Variants in ARID2 observed in about 807,000 individuals in gnomAD.
ARID2 encodes AT-rich interactive domain-containing protein 2.
A neutral mutation model predicts 184.6 loss-of-function variants in ARID2; 32 were observed. The observed-to-expected ratio is 0.17, with a 90% CI of 0.13 to 0.23. The LOEUF (loss-of-function observed/expected upper bound fraction) is 0.23, where lower values mean the gene tolerates loss of function less well. Ranked by LOEUF, ARID2 falls within the 10% of genes least tolerant of loss-of-function variation. The pLI, the probability that ARID2 is intolerant of heterozygous loss-of-function variation, is 1.00. For missense variants in ARID2, 1,696 were observed against 2,197.6 expected (o/e 0.77, Z 4.56); for synonymous variants, 836 against 772.6 (o/e 1.08, Z -1.36).
Position 45,836,762 on chromosome 12 carries a change from T to C in ARID2, c.794T>C (p.Ile265Thr), listed in dbSNP as rs746998960. The change falls in exon 8 of 21, where the codon ATT becomes ACT. Residue 265 changes from isoleucine (I) to threonine (T), a missense_variant. Around this residue, in one of 11 missense-constraint regions of ARID2, gnomAD observed 148 missense variants for 285.4 expected, o/e 0.52. Coordinates refer to ENST00000334344, the MANE Select transcript of ARID2 (RefSeq NM_152641.4). Reference sequence around the variant, plus strand: ...GTAGAAGGTACATCAGGAGAATGGATTTGGGAGTCTTTATTTCATCCACCT... The same window carrying C: ...GTAGAAGGTACATCAGGAGAATGGACTTGGGAGTCTTTATTTCATCCACCT... ...KSHEGTSGEW[I>T]WESLFHPPRK... 1.1e-5 allele frequency: 18 copies of C among 1,613,410 alleles called. No individual in the cohort carries two copies. The Admixed American group carries it at 2.3e-4, about 21-fold the overall frequency.
At position 45,839,762 on chromosome 12, in the gene ARID2, A is replaced by G. The variant is rs192583034; in HGVS notation, c.1498+266A>G. On this transcript the variant is annotated intron_variant, in intron 11 of 20. Coordinates refer to ENST00000334344, the MANE Select transcript of ARID2 (RefSeq NM_152641.4). ...TGTGATGAATTAGATATTCATAATT[A>G]CGATAGCTATAAGTGCCCCAATAGG... The G allele has an allele frequency of 3.3e-4, 104 of 318,026 alleles. No homozygotes were observed. The Admixed American group carries it at 3.5e-3, about 11-fold the overall frequency. The allele number at this position is 318,026 out of a possible 1,614,324, so 19.7% of individuals were successfully genotyped here.
At chr12:45,815,138 A>G (rs1565606504) in intron 4 of ARID2, among the ~76,000 whole-genome samples, 1 of 152,200 alleles carries the variant, frequency 6.6e-6, no homozygotes, top group Non-Finnish European at 1.5e-5. Context: ...GCGACAGATA[A>G]GGAATACGGG....
Position 45,849,770 on chromosome 12 carries a change from C to A in ARID2, c.1906C>A (p.Pro636Thr), listed in dbSNP as rs778514826. The change falls in exon 14 of 21, where the codon CCT (proline) becomes ACT (threonine). Residue 636 changes from proline (P) to threonine (T), a missense_variant. Pro to Thr is a conservative substitution (Grantham distance 38). This residue lies in a region of ARID2 where 713 missense variants were observed against 824.4 expected (regional missense o/e 0.86). Coordinates refer to ENST00000334344, the MANE Select transcript of ARID2 (RefSeq NM_152641.4). The stretch of plus-strand genomic sequence containing the variant: ...TCCTGATGTATCTCCTGCTCCTTCA[C>A]CTGCAGGTGTTAATTTTTATTGTAT... Reference protein sequence around the residue: ...SVPDVSPAPSPAGIPHGSQTI... With the variant: ...SVPDVSPAPSTAGIPHGSQTI... 6.2e-7 allele frequency: 1 copy of A among 1,606,770 alleles called. No individual in the cohort carries two copies. The highest frequency in any genetic ancestry group is 8.5e-7 in the Non-Finnish European group (1 of 1,177,032).
Position 45,852,628 on chromosome 12 carries a change from A to G in ARID2, c.4505A>G (p.Asp1502Gly), listed in dbSNP as rs767927060. 5.0e-6 allele frequency: 8 copies of G among 1,614,026 alleles called. No homozygotes were observed. The highest frequency in any genetic ancestry group is 1.3e-5 in the African/African-American group (1 of 74,924). Residue 1502 changes from aspartate to glycine, a missense_variant, in exon 15 of 21, where the codon GAC (aspartate) becomes GGC (glycine). This residue lies in a region of ARID2 where 428 missense variants were observed against 409.1 expected (regional missense o/e 1.05). Coordinates refer to ENST00000334344, the MANE Select transcript of ARID2 (RefSeq NM_152641.4). The stretch of plus-strand genomic sequence containing the variant: ...TCCCATTCTCCTGCCCTATCATCTG[A>G]CGTTCGGTCTACAAATGGCACAGCA... ...KVSHSPALSS[D>G]VRSTNGTAEC... is the part of the protein sequence containing the mutation.
At chr12:45,859,350 G>A (rs762243822) in intron 15 of ARID2, among the ~76,000 whole-genome samples, 5 of 152,150 alleles carry the variant, frequency 3.3e-5, no homozygotes, top group Non-Finnish European at 5.9e-5. Context: ...GCCTAGGTAT[G>A]TAGTAGGCTA....
intron 3 of ARID2, among the ~76,000 whole-genome samples, chr12:45,803,963 CTT>C (rs1423143098): frequency 1.3e-5 from 2 of 152,152 alleles, no homozygotes; most frequent in African/African-American, 4.8e-5. Context: ...ATGCATTCCA[CTT>C]TGTCTGAAGT....
At chr12:45,741,851 C>T (rs1188974060) in intron 3 of ARID2, among the ~76,000 whole-genome samples, 3 of 152,074 alleles carry the variant, frequency 2.0e-5, no homozygotes, top group East Asian at 1.9e-4. Flanking sequence ...GTTATTTTTT[C>T]TTCTAGGGCC....
chr12:45,838,475 T>C (rs1159871445), intron 10 of ARID2, among the ~76,000 whole-genome samples: 1 of 152,170 alleles, frequency 6.6e-6, no homozygotes, highest in Non-Finnish European at 1.5e-5. Flanking sequence ...TTCAAGTATA[T>C]AGATATCCAC....
chr12:45,765,671 A>G (rs1260970437), intron 3 of ARID2, among the ~76,000 whole-genome samples: 2 of 152,174 alleles, frequency 1.3e-5, no homozygotes, highest in African/African-American at 4.8e-5. Flanking sequence ...TAATTGATGT[A>G]CAGTAAACTG....
At chr12:45,778,675 AT>A (rs1196048067) in intron 3 of ARID2, among the ~76,000 whole-genome samples, 1 of 152,012 alleles carries the variant, frequency 6.6e-6, no homozygotes, top group Admixed American at 6.5e-5. Flanking sequence ...TTTTATTTAA[AT>A]TAATTTAAAT....
chr12:45,731,196 A>G (rs1365519598), intron 2 of ARID2, 21 bp from the exon 3 acceptor site: 9 of 1,542,994 alleles, frequency 5.8e-6, no homozygotes, highest in Admixed American at 5.0e-5. Flanking sequence ...CGTTCAGACA[A>G]CTGTGCCTGT....
intron 20 of ARID2, among the ~76,000 whole-genome samples, chr12:45,903,448 G>A (rs1419493526): frequency 1.3e-5 from 2 of 152,122 alleles, no homozygotes; most frequent in Admixed American, 6.6e-5. Flanking sequence ...CTATAGAAAT[G>A]TATGAGAGTC....
At position 45,905,295 on chromosome 12, in the gene ARID2, A is replaced by AT; in HGVS notation, c.*217_*218insT. 1 of 432,206 alleles carries AT rather than the reference A, an allele frequency of 2.3e-6. No individual in the cohort carries two copies. The highest frequency in any genetic ancestry group is 3.7e-5 in the East Asian group (1 of 26,704). 26.8% of individuals were successfully genotyped at this position (432,206 alleles called of 1,614,324 possible). On this transcript the variant is annotated 3_prime_UTR_variant, in exon 21 of 21. Coordinates refer to ENST00000334344, the MANE Select transcript of ARID2 (RefSeq NM_152641.4). ...TAAAAAGAAAAAGGAAAAAAAAAAA[A>AT]GAACTGCTGTGGGATTGTCAACCAG... is the stretch of plus-strand genomic sequence containing the variant.
intron 20 of ARID2, among the ~76,000 whole-genome samples, chr12:45,899,773 AC>A (rs1397935438): frequency 7.6e-6 from 1 of 131,550 alleles, no homozygotes; most frequent in African/African-American, 2.7e-5. Flanking sequence ...ATAGTTCCCT[AC>A]TTTACCCCCC....
intron 16 of ARID2, among the ~76,000 whole-genome samples, chr12:45,869,128 G>A (rs138473940): frequency 3.3e-5 from 5 of 151,434 alleles, no homozygotes; most frequent in African/African-American, 9.7e-5. Context: ...CAAGCGATTC[G>A]CCTGCCTCAG....
At chr12:45,873,286 G>C (rs929974561) in intron 16 of ARID2, among the ~76,000 whole-genome samples, 1 of 151,910 alleles carries the variant, frequency 6.6e-6, no homozygotes, top group Admixed American at 6.6e-5. Context: ...TACATAGTTG[G>C]GTCTTATTAT....
In ARID2 at chr12:45,817,754, G is replaced by C. The variant is rs2138092796; in HGVS notation, c.503G>C (p.Gly168Ala). 6.2e-7 allele frequency: 1 copy of C among 1,612,964 alleles called. No individual in the cohort carries two copies. Among genetic ancestry groups the C allele is most frequent in the Non-Finnish European group, 8.5e-7 (1 of 1,179,720 alleles). Residue 168 changes from glycine to alanine, a missense_variant, in exon 5 of 21, where the codon GGA (glycine) becomes GCA (alanine). This residue lies in a region of ARID2 where 148 missense variants were observed against 285.4 expected (regional missense o/e 0.52). Coordinates refer to ENST00000334344, the MANE Select transcript of ARID2 (RefSeq NM_152641.4). ...YNKLVLSLLS[G>A]LPNEVDFAIN... ...AAATTGGTGCTTTCACTGTTATCTGGACTCCCAAATGAAGTGGACTTTGCT... is the reference window on the plus strand; with the variant it reads ...AAATTGGTGCTTTCACTGTTATCTGCACTCCCAAATGAAGTGGACTTTGCT...
chr12:45,751,805 C>G (rs1461978045), intron 3 of ARID2, among the ~76,000 whole-genome samples: 1 of 152,056 alleles, frequency 6.6e-6, no homozygotes, highest in Non-Finnish European at 1.5e-5. Context: ...CTAAACATAG[C>G]TAAACATATA....
intron 3 of ARID2, among the ~76,000 whole-genome samples, chr12:45,740,481 G>A (rs921361385): frequency 6.6e-6 from 1 of 152,026 alleles, no homozygotes; most frequent in Non-Finnish European, 1.5e-5. Context: ...AAGTGTGTGT[G>A]TGTGTTTATA....
Sources: gnomAD v4.1 joint callset for allele counts (sites outside exome capture counted in the v4.1 genomes callset) on GRCh38, gnomAD v4.1.1 for gene constraint, gnomAD v4.1.1 regional missense constraint, MANE v1.5 for transcripts, NCBI Gene and HGNC (gene_info 2026-07-23, HGNC 2026-07-21) for gene names.